The following RBMS3 variants were observed in gnomAD, a reference collection of about 807,000 sequenced individuals.
The protein encoded by RBMS3 is RNA-binding motif, single-stranded-interacting protein 3.
In RBMS3, 27 loss-of-function variants were observed where a neutral mutation model predicts 66.8. The ratio of observed to expected loss-of-function variants is 0.40; its 90% CI spans 0.30 to 0.56. RBMS3 has a LOEUF of 0.56. RBMS3 is among the 20% of genes least tolerant of loss of function. The probability of loss-of-function intolerance (pLI) is 0.40; values close to 1 mark genes in which losing one functional copy is unlikely to be tolerated. For synonymous variants in RBMS3, 188 were observed against 183.0 expected (o/e 1.03, Z -0.22); for missense variants, 513 against 549.5 (o/e 0.93, Z 0.66).
intron 4 of RBMS3, among the ~76,000 whole-genome samples, chr3:29,609,941 G>T (rs1281189703): frequency 2.0e-5 from 3 of 152,144 alleles, no homozygotes; most frequent in South Asian, 2.1e-4. Flanking sequence ...GCTTTGAGGT[G>T]CACGTAGAGC....
chr3:29,532,484 A>C (rs745315391), intron 3 of RBMS3, among the ~76,000 whole-genome samples: 6 of 151,758 alleles, frequency 4.0e-5, no homozygotes, highest in Non-Finnish European at 5.9e-5. Context: ...TAAAATTTTG[A>C]TTGGAAAAAG....
intron 4 of RBMS3, among the ~76,000 whole-genome samples, chr3:29,675,672 A>G (rs2051216357): frequency 6.6e-6 from 1 of 152,244 alleles, no homozygotes. Flanking sequence ...CAGACACATG[A>G]AAAAATGCTC....
intron 7 of RBMS3, among the ~76,000 whole-genome samples, chr3:29,874,401 G>A (rs535739082): frequency 2.0e-5 from 3 of 152,176 alleles, no homozygotes; most frequent in African/African-American, 7.2e-5. Flanking sequence ...CAAGGTAAGG[G>A]CATCATCTAC....
chr3:29,323,810 C>T (rs2035158706), intron 1 of RBMS3, among the ~76,000 whole-genome samples: 2 of 151,586 alleles, frequency 1.3e-5, no homozygotes, highest in African/African-American at 4.8e-5. Context: ...TCTTATTTCC[C>T]CCATGATTTT....
At chr3:29,556,445 T>G (rs2046366716) in intron 3 of RBMS3, 1 of 152,094 alleles carries the variant, frequency 6.6e-6, no homozygotes, top group African/African-American at 2.4e-5. Context: ...CTACTAAAAA[T>G]ATAAAATGTT....
At chr3:29,773,435 C>G (rs2056295191) in intron 6 of RBMS3, among the ~76,000 whole-genome samples, 1 of 151,986 alleles carries the variant, frequency 6.6e-6, no homozygotes, top group East Asian at 1.9e-4. Context: ...ATTCCTATAG[C>G]AAGATTGGGA....
intron 3 of RBMS3, among the ~76,000 whole-genome samples, chr3:29,498,247 G>T (rs542765136): frequency 1.3e-5 from 2 of 151,278 alleles, no homozygotes; most frequent in African/African-American, 4.9e-5. Context: ...CACCTGCCTC[G>T]GCCTCCCAAA....
intron 2 of RBMS3, among the ~76,000 whole-genome samples, chr3:29,470,730 A>T (rs1370788): frequency 0.34 from 52,361 of 151,918 alleles, 9,242 homozygotes; most frequent in East Asian, 0.45. Flanking sequence ...CCTGGAATGA[A>T]GATATACTTG....
At chr3:29,338,860 TAG>T (rs1213888161) in intron 1 of RBMS3, among the ~76,000 whole-genome samples, 4 of 152,158 alleles carry the variant, frequency 2.6e-5, no homozygotes, top group African/African-American at 7.2e-5. Flanking sequence ...TGATACGGTT[TAG>T]AACAAATTTT....
At chr3:29,643,968 G>GC (rs1199531080) in intron 4 of RBMS3, among the ~76,000 whole-genome samples, 1 of 152,162 alleles carries the variant, frequency 6.6e-6, no homozygotes, top group Non-Finnish European at 1.5e-5. Context: ...AAAGCAGAAT[G>GC]TTTTTCGAGT....
At chr3:29,701,138 G>A (rs1456070544) in intron 4 of RBMS3, among the ~76,000 whole-genome samples, 3 of 152,046 alleles carry the variant, frequency 2.0e-5, no homozygotes, top group South Asian at 2.1e-4. Flanking sequence ...TTAGCCGGAC[G>A]TGGTGGCGGG....
intron 12 of RBMS3, among the ~76,000 whole-genome samples, chr3:29,963,681 A>C (rs746942372): frequency 1.3e-5 from 2 of 151,976 alleles, no homozygotes; most frequent in Non-Finnish European, 2.9e-5. Flanking sequence ...TACAAAAATT[A>C]ATTGGGTGTG....
chr3:29,367,314 CA>C (rs1371912633), intron 1 of RBMS3, among the ~76,000 whole-genome samples: 3 of 151,882 alleles, frequency 2.0e-5, no homozygotes, highest in Non-Finnish European at 2.9e-5. Flanking sequence ...AACATATATT[CA>C]AAAATGTTTT....
chr3:29,818,852 A>G (rs2057994138), intron 6 of RBMS3, among the ~76,000 whole-genome samples: 1 of 152,158 alleles, frequency 6.6e-6, no homozygotes, highest in Non-Finnish European at 1.5e-5. Flanking sequence ...CAGTAATTCA[A>G]TGAAAGTTAT....
intron 1 of RBMS3, among the ~76,000 whole-genome samples, chr3:29,319,715 C>T (rs1414596742): frequency 6.6e-6 from 1 of 151,798 alleles, no homozygotes; most frequent in Non-Finnish European, 1.5e-5. Flanking sequence ...TCTAGAAAAC[C>T]ATTATTTGCA....
At chr3:29,683,902 G>A (rs1236927456) in intron 4 of RBMS3, among the ~76,000 whole-genome samples, 1 of 152,186 alleles carries the variant, frequency 6.6e-6, no homozygotes, top group Non-Finnish European at 1.5e-5. Flanking sequence ...CCCCAGAGCT[G>A]CTGGCTTGCT....
intron 6 of RBMS3, among the ~76,000 whole-genome samples, chr3:29,798,768 T>C (rs1207772562): frequency 6.6e-6 from 1 of 152,176 alleles, no homozygotes; most frequent in Admixed American, 6.5e-5. Context: ...TCTATATCCA[T>C]AATAACCACA....
chr3:29,569,444 C>T (rs1044849262), intron 3 of RBMS3, among the ~76,000 whole-genome samples: 1 of 152,088 alleles, frequency 6.6e-6, no homozygotes, highest in Non-Finnish European at 1.5e-5. Flanking sequence ...AAAAATTCCA[C>T]TTTCAACTTA....
chr3:29,931,773 T>A (rs2061133504), intron 10 of RBMS3, among the ~76,000 whole-genome samples: 1 of 152,194 alleles, frequency 6.6e-6, no homozygotes, highest in Non-Finnish European at 1.5e-5. Context: ...TCAAGCTACC[T>A]TCATGCCATT....
Sources: gnomAD v4.1 joint callset for allele counts (sites outside exome capture counted in the v4.1 genomes callset) on GRCh38, gnomAD v4.1.1 for gene constraint, MANE v1.5 for transcripts, NCBI Gene and HGNC (gene_info 2026-07-23, HGNC 2026-07-21) for gene names.